Variants in NRXN2 observed in about 807,000 individuals in gnomAD.
NRXN2 encodes the protein neurexin 2, also known as neurexin-2-beta.
NRXN2 carries 29 observed loss-of-function variants against 128.8 expected under a neutral mutation model. That is an observed-to-expected ratio of 0.23 (90% CI 0.17 to 0.31). NRXN2 has a LOEUF of 0.31. NRXN2 is among the 10% of genes least tolerant of loss of function. NRXN2 has a pLI of 1.00. For synonymous variants in NRXN2, 1,098 were observed against 1,075.2 expected (o/e 1.02, Z -0.41); for missense variants, 1,881 against 2,452.6 (o/e 0.77, Z 4.92).
intron 2 of NRXN2, among the ~76,000 whole-genome samples, chr11:64,706,095 TTATATATATAAAG>T (rs2056240868): frequency 3.7e-5 from 1 of 27,198 alleles, no homozygotes; most frequent in Non-Finnish European, 6.1e-5. Flanking sequence ...ATAATATATA[TTATATATATAAAG>T]TATATATATA....
Position 64,635,597 on chromosome 11 carries a change from G to T in NRXN2, c.3404-145C>A. On this transcript the variant is annotated intron_variant, in intron 17 of 22. Transcript: ENST00000265459. The surrounding 1 kb of genome is among the most constrained non-coding windows in gnomAD (Gnocchi z 4.8). ...GATACCCACAGCAGCCACCAGCCCT[G>T]CCACCCCAGGGAGAAGTTGGCAGGC... is the stretch of plus-strand genomic sequence containing the variant. 1.1e-6 allele frequency: 1 copy of T among 923,336 alleles called. No individual in the cohort carries two copies. Among genetic ancestry groups the T allele is most frequent in the Non-Finnish European group, 1.7e-6 (1 of 590,910 alleles). 57.2% of individuals were successfully genotyped at this position (923,336 alleles called of 1,614,324 possible).
At chr11:64,677,124 A>C in intron 6 of NRXN2, 87 bp from the exon 7 acceptor site, 1 of 933,314 alleles carries the variant, frequency 1.1e-6, no homozygotes, top group South Asian at 1.5e-5. Context: ...AATGAAAAGA[A>C]AAGAAAAATA....
chr11:64,689,581 T>C (rs1279801630), intron 5 of NRXN2, among the ~76,000 whole-genome samples: 1 of 152,198 alleles, frequency 6.6e-6, no homozygotes, highest in Non-Finnish European at 1.5e-5. Context: ...ATCCAATCCC[T>C]GGCCTCAAGG....
chr11:64,614,357 A>C (rs1055854739), intron 22 of NRXN2, among the ~76,000 whole-genome samples: 2 of 152,154 alleles, frequency 1.3e-5, no homozygotes. Flanking sequence ...AGGCTTGAGA[A>C]CTGTGTCTAG....
At chr11:64,686,066 C>A in intron 5 of NRXN2, 119 bp from the exon 6 acceptor site, 1 of 1,057,902 alleles carries the variant, frequency 9.5e-7, no homozygotes, top group Non-Finnish European at 1.4e-6. Context: ...CCAGAGGTCC[C>A]AACCTGTAGC....
chr11:64,716,770 G>A, intron 1 of NRXN2, among the ~76,000 whole-genome samples: 1 of 152,158 alleles, frequency 6.6e-6, no homozygotes, highest in East Asian at 1.9e-4. Context: ...GGAAGCCCCA[G>A]CACTCCCTGA....
chr11:64,703,567 A>T (rs542673497), intron 2 of NRXN2, among the ~76,000 whole-genome samples: 2 of 152,322 alleles, frequency 1.3e-5, no homozygotes, highest in South Asian at 4.1e-4. Flanking sequence ...TAAGGTTCTG[A>T]TCTTATCTAC....
intron 17 of NRXN2, among the ~76,000 whole-genome samples, chr11:64,644,345 C>A (rs1212229991): frequency 6.6e-6 from 1 of 152,094 alleles, no homozygotes; most frequent in African/African-American, 2.4e-5. Flanking sequence ...CTGCACAAGC[C>A]TCTCCTGGAC....
intron 2 of NRXN2, among the ~76,000 whole-genome samples, chr11:64,706,952 ATTT>A (rs371730762): frequency 1.5e-4 from 20 of 135,130 alleles, no homozygotes; most frequent in Non-Finnish European, 2.1e-4. Flanking sequence ...GTGTATCCCC[ATTT>A]TTTTTTTTTT....
Position 64,651,724 on chromosome 11 carries a change from G to C in NRXN2, c.2537-88C>G. 1 of 1,442,428 alleles carries C rather than the reference G, an allele frequency of 6.9e-7. No homozygotes were observed. The highest frequency in any genetic ancestry group is 9.6e-7 in the Non-Finnish European group (1 of 1,041,590). The allele number at this position is 1,442,428 out of a possible 1,614,324, so 89.4% of individuals were successfully genotyped here. ...CCCAGGAGCCTCCCCTCCACAGGAGGGCCACCCATGAGTGACATCTTTAGA... is the reference window on the plus strand; with the variant it reads ...CCCAGGAGCCTCCCCTCCACAGGAGCGCCACCCATGAGTGACATCTTTAGA... On this transcript the variant is annotated intron_variant, in intron 13 of 22. Coordinates refer to ENST00000265459, the MANE Select transcript of NRXN2 (RefSeq NM_015080.4). This position sits in a 1 kb window ranked among gnomAD's most constrained non-coding sequence, Gnocchi z 5.9.
At position 64,607,653 on chromosome 11, in the gene NRXN2, G is replaced by C. The variant is rs778221654; in HGVS notation, c.4682C>G (p.Pro1561Arg). The C allele has an allele frequency of 1.3e-6, 2 of 1,520,502 alleles. No individual in the cohort carries two copies. Among genetic ancestry groups the C allele is most frequent in the Non-Finnish European group, 1.8e-6 (2 of 1,131,850 alleles). The allele number at this position is 1,520,502 out of a possible 1,614,324, so 94.2% of individuals were successfully genotyped here. Residue 1561 changes from proline to arginine, a missense_variant, in exon 23 of 23, where the codon CCG becomes CGG. Pro to Arg is a moderately radical substitution (Grantham distance 103). This residue lies in a region of NRXN2 where 310 missense variants were observed against 318.2 expected (regional missense o/e 0.97). Transcript: ENST00000265459. ...FAPSAPAPNL[P>R]AGKMNHRDPL... ...GTCTCGGTGGTTCATTTTGCCCGCC[G>C]GCAGGTTGGGGGCCGGGGCGGAGGG...
chr11:64,671,303 G>C (rs1277926447), intron 7 of NRXN2, among the ~76,000 whole-genome samples: 1 of 152,156 alleles, frequency 6.6e-6, no homozygotes, highest in African/African-American at 2.4e-5. Flanking sequence ...GCCAAGGGTA[G>C]AGGGAATGGA....
At chr11:64,624,048 T>C (rs1441011426) in intron 20 of NRXN2, 1 of 152,136 alleles carries the variant, frequency 6.6e-6, no homozygotes, top group African/African-American at 2.4e-5. Flanking sequence ...GTGCTGCTTA[T>C]TTTGTGGGAG....
intron 4 of NRXN2, 118 bp from the exon 5 acceptor site, chr11:64,690,594 G>C: frequency 1.1e-6 from 1 of 900,552 alleles, no homozygotes; most frequent in South Asian, 1.4e-5. Flanking sequence ...GACAGGGGAG[G>C]AGAGGCTTTT....
At chr11:64,697,525 TTCCCTTTCCCTC>T (rs2054717708) in intron 3 of NRXN2, among the ~76,000 whole-genome samples, 1 of 152,032 alleles carries the variant, frequency 6.6e-6, no homozygotes, top group Non-Finnish European at 1.5e-5. Context: ...TTCCCTAAGT[TTCCCTTTCCCTC>T]TCCAGCGTGG....
chr11:64,721,916 A>C (rs1238244473), intron 1 of NRXN2, among the ~76,000 whole-genome samples: 7 of 152,002 alleles, frequency 4.6e-5, no homozygotes. Context: ...TCACCTCCAG[A>C]CACCAAGAAA....
intron 22 of NRXN2, among the ~76,000 whole-genome samples, chr11:64,608,620 T>G (rs1474531397): frequency 6.6e-6 from 1 of 151,940 alleles, no homozygotes. Flanking sequence ...AACAGAGCTG[T>G]GTAAGCGGGT....
At position 64,718,077 on chromosome 11, in the gene NRXN2, C is replaced by T. The variant is rs564758100; in HGVS notation, c.-244-4134G>A. ...GCTGGCCTGGGATCACACAGAAAAG[C>T]AAGACTAGAACCAAAGTCGCTGGCC... is the stretch of plus-strand genomic sequence containing the variant. On this transcript the variant is annotated intron_variant, in intron 1 of 22. Transcript: ENST00000265459. 2.6e-5 allele frequency among the ~76,000 whole-genome samples: 4 copies of T among 152,276 alleles called. No individual in the cohort carries two copies. In the South Asian group the frequency reaches 8.3e-4, roughly 32 times the overall value.
chr11:64,665,016 C>G (rs1242025935), intron 9 of NRXN2, among the ~76,000 whole-genome samples: 1 of 147,172 alleles, frequency 6.8e-6, no homozygotes, highest in Non-Finnish European at 1.5e-5. Context: ...GGCGCGGTGG[C>G]TCACGCCTGT....
Sources: allele counts gnomAD v4.1 joint callset (sites outside exome capture counted in the v4.1 genomes callset), GRCh38; gene constraint gnomAD v4.1.1; regional missense constraint gnomAD v4.1.1; non-coding constraint Gnocchi (gnomAD v3.1); transcripts MANE v1.5; gene names NCBI Gene and HGNC (gene_info 2026-07-23, HGNC 2026-07-21).